The following CNTN4 variants were observed in gnomAD, a reference collection of about 807,000 sequenced individuals.
CNTN4 encodes contactin 4.
A neutral mutation model predicts 122.5 loss-of-function variants in CNTN4; 77 were observed. The ratio of observed to expected loss-of-function variants is 0.63; its 90% CI spans 0.52 to 0.76. The LOEUF (loss-of-function observed/expected upper bound fraction) is 0.76. Among genes scored for constraint, CNTN4 ranks in the 30% least tolerant of loss-of-function variants. CNTN4 has a pLI of 0.00. For synonymous variants in CNTN4, 512 were observed against 447.0 expected (o/e 1.15, Z -1.83); for missense variants, 1,256 against 1,259.1 (o/e 1.00, Z 0.04).
intron 4 of CNTN4, among the ~76,000 whole-genome samples, chr3:2,578,957 A>AT (rs1181692537): frequency 6.6e-6 from 1 of 152,196 alleles, no homozygotes; most frequent in African/African-American, 2.4e-5. Context: ...AAATTTAAGT[A>AT]TTTAAGTCCA....
chr3:2,998,871 G>C (rs78575617), intron 14 of CNTN4, among the ~76,000 whole-genome samples: 8 of 152,100 alleles, frequency 5.3e-5, no homozygotes, highest in Admixed American at 3.3e-4. Flanking sequence ...GTGACATGAC[G>C]CCAACTTCAG....
chr3:2,193,235 C>T lies in CNTN4; in HGVS notation c.-145+92596C>T, dbSNP rs547617489. Among the ~76,000 whole-genome samples the T allele has an allele frequency of 7.2e-5, 11 of 152,208 alleles. No homozygotes were observed. In the South Asian group the frequency reaches 2.3e-3, roughly 32 times the overall value. On this transcript the variant is annotated intron_variant, in intron 2 of 24. Coordinates refer to ENST00000418658, the MANE Select transcript of CNTN4 (RefSeq NM_175607.3). ...TTTCATTCTTTTTGGAAAATTCCCTCCACATATCCTAGCATCTATGGCATT... is the reference window on the plus strand; with the variant it reads ...TTTCATTCTTTTTGGAAAATTCCCTTCACATATCCTAGCATCTATGGCATT...
At chr3:2,648,324 G>GT (rs779203807) in intron 4 of CNTN4, among the ~76,000 whole-genome samples, 95 of 151,926 alleles carry the variant, frequency 6.3e-4, no homozygotes, top group South Asian at 3.1e-3. Context: ...CAGATTTTGA[G>GT]TTTTTTTTGC....
chr3:2,785,980 G>A (rs2149914584), intron 6 of CNTN4, among the ~76,000 whole-genome samples: 1 of 148,206 alleles, frequency 6.7e-6, no homozygotes, highest in East Asian at 2.0e-4. Flanking sequence ...GAGAGAAGAG[G>A]TGTCCGAACG....
chr3:2,900,960 G>A, intron 11 of CNTN4, 139 bp downstream of exon 11: 2 of 1,113,036 alleles, frequency 1.8e-6, no homozygotes, highest in Admixed American at 1.9e-5. Flanking sequence ...AAAAGTGAGA[G>A]TGAATGCAAT....
chr3:2,615,907 A>C (rs557451003), intron 4 of CNTN4, among the ~76,000 whole-genome samples: 80 of 152,328 alleles, frequency 5.3e-4, no homozygotes, highest in Middle Eastern at 3.4e-3. Context: ...AAATGGGATG[A>C]ATCAAGGATT....
At chr3:2,220,336 A>G (rs2039013685) in intron 2 of CNTN4, among the ~76,000 whole-genome samples, 1 of 152,240 alleles carries the variant, frequency 6.6e-6, no homozygotes, top group Admixed American at 6.5e-5. Flanking sequence ...TGTGGTAACA[A>G]TTACTAATGG....
chr3:2,379,853 G>A (rs1422876534), intron 3 of CNTN4, among the ~76,000 whole-genome samples: 3 of 151,946 alleles, frequency 2.0e-5, no homozygotes, highest in Non-Finnish European at 4.4e-5. Flanking sequence ...TGGGGAGTTC[G>A]AGACCAACCT....
At chr3:3,051,660 A>G (rs1701286670) in intron 23 of CNTN4, among the ~76,000 whole-genome samples, 1 of 152,204 alleles carries the variant, frequency 6.6e-6, no homozygotes, top group Admixed American at 6.5e-5. Context: ...GATACAACTG[A>G]TGCTGCGGAG....
intron 6 of CNTN4, among the ~76,000 whole-genome samples, chr3:2,810,609 C>T (rs72622141): frequency 0.018 from 2,702 of 152,178 alleles, 85 homozygotes; most frequent in East Asian, 0.15. Context: ...CGCTATTTTG[C>T]CTTCTCCACT....
chr3:2,409,153 G>C (rs2151020135), intron 3 of CNTN4, among the ~76,000 whole-genome samples: 1 of 151,948 alleles, frequency 6.6e-6, no homozygotes, highest in South Asian at 2.1e-4. Flanking sequence ...ATTAATTCCA[G>C]GGAATTAAAG....
intron 2 of CNTN4, among the ~76,000 whole-genome samples, chr3:2,254,523 C>G (rs952086178): frequency 8.6e-5 from 13 of 151,988 alleles, no homozygotes; most frequent in African/African-American, 2.9e-4. Context: ...TAAAAGCATT[C>G]CTATTTCTCC....
rs566760433 is a variant in CNTN4, at chr3:2,528,586, C to T, written c.-88-42830C>T. ...TACTTTACTGACCCATTTTATTAAA[C>T]GTAATTTTTTAAAAGCACTTTTAGG... On this transcript the variant is annotated intron_variant, in intron 3 of 24. Transcript: ENST00000418658. 1.1e-4 allele frequency among the ~76,000 whole-genome samples: 17 copies of T among 152,196 alleles called. 1 individual carries two copies. The highest frequency in any genetic ancestry group is 3.9e-4 in the East Asian group (2 of 5,172).
intron 6 of CNTN4, among the ~76,000 whole-genome samples, chr3:2,808,239 T>C (rs1431587685): frequency 1.2e-4 from 19 of 152,170 alleles, no homozygotes; most frequent in Non-Finnish European, 1.5e-4. Context: ...TTTAGTAATA[T>C]GTTTCCAAGG....
intron 7 of CNTN4, among the ~76,000 whole-genome samples, chr3:2,860,646 A>C (rs6768034): frequency 0.19 from 28,883 of 152,144 alleles, 2,829 homozygotes; most frequent in Middle Eastern, 0.28. Flanking sequence ...CAACTCATCT[A>C]AGACACTGCC....
intron 4 of CNTN4, among the ~76,000 whole-genome samples, chr3:2,599,598 G>A (rs539349423): frequency 6.6e-6 from 1 of 152,250 alleles, no homozygotes; most frequent in South Asian, 2.1e-4. Flanking sequence ...CTCAGAGTGT[G>A]GCTTACATCA....
intron 2 of CNTN4, among the ~76,000 whole-genome samples, chr3:2,301,880 A>G (rs1412374079): frequency 6.6e-6 from 1 of 152,246 alleles, no homozygotes; most frequent in Non-Finnish European, 1.5e-5. Context: ...GTATTTCCAC[A>G]GATTAGCAAT....
chr3:2,702,107 G>C (rs1399179747), intron 4 of CNTN4, among the ~76,000 whole-genome samples: 1 of 152,176 alleles, frequency 6.6e-6, no homozygotes, highest in East Asian at 1.9e-4. Flanking sequence ...TTCTATCTCT[G>C]TATTATTGCT....
chr3:2,668,717 T>C (rs1466502053), intron 4 of CNTN4, among the ~76,000 whole-genome samples: 2 of 152,196 alleles, frequency 1.3e-5, no homozygotes, highest in Non-Finnish European at 2.9e-5. Flanking sequence ...CAGTATGATA[T>C]TGGCTGTGGG....
Sources: gnomAD v4.1 joint callset for allele counts (sites outside exome capture counted in the v4.1 genomes callset) on GRCh38, gnomAD v4.1.1 for gene constraint, MANE v1.5 for transcripts, NCBI Gene and HGNC (gene_info 2026-07-23, HGNC 2026-07-21) for gene names.